Variants in CREBRF observed in about 807,000 individuals in gnomAD.
The protein encoded by CREBRF is CREB3 regulatory factor, also known as UPF0474 protein C5orf41.
CREBRF carries 5 observed loss-of-function variants against 66.1 expected under a neutral mutation model. The observed-to-expected ratio is 0.08, with a 90% CI of 0.04 to 0.16. The LOEUF is 0.16. CREBRF is among the 10% of genes least tolerant of loss of function. The probability of loss-of-function intolerance (pLI) is 1.00; values close to 1 mark genes in which losing one functional copy is unlikely to be tolerated. For synonymous variants in CREBRF, 229 were observed against 264.4 expected (o/e 0.87, Z 1.30); for missense variants, 531 against 744.9 (o/e 0.71, Z 3.34).
chr5:173,125,851 G>A (rs1395176969), intron 8 of CREBRF, among the ~76,000 whole-genome samples: 1 of 152,164 alleles, frequency 6.6e-6, no homozygotes, highest in Non-Finnish European at 1.5e-5. Context: ...GCGACAGAGC[G>A]AGACTCCTTT....
chr5:173,072,277 T>C (rs1373595980), intron 1 of CREBRF, among the ~76,000 whole-genome samples: 2 of 151,818 alleles, frequency 1.3e-5, no homozygotes, highest in African/African-American at 2.4e-5. Context: ...CTAATTTTTT[T>C]ATCCCTTTTT....
In CREBRF at chr5:173,129,631, G is replaced by A. The variant is rs566392490; in HGVS notation, c.1805-3999G>A. Among the ~76,000 whole-genome samples the A allele has an allele frequency of 3.3e-5, 5 of 150,622 alleles. No homozygotes were observed. The South Asian group carries it at 8.4e-4, about 25-fold the overall frequency. The stretch of plus-strand genomic sequence containing the variant: ...TCCCAGCTTCTCAGGAGACTGAGGC[G>A]AGAGGATCGCTTTTGCCCAGGAGAT... On this transcript the variant is annotated intron_variant, in intron 8 of 8. Transcript: ENST00000296953.
At chr5:173,096,882 A>C (rs1758492058) in intron 4 of CREBRF, among the ~76,000 whole-genome samples, 1 of 152,046 alleles carries the variant, frequency 6.6e-6, no homozygotes, top group African/African-American at 2.4e-5. Flanking sequence ...TTTATCCTTC[A>C]GTCTGTTAAT....
chr5:173,083,129 G>A (rs997533220), intron 2 of CREBRF, among the ~76,000 whole-genome samples: 1 of 151,794 alleles, frequency 6.6e-6, no homozygotes, highest in African/African-American at 2.4e-5. Context: ...TTGGGAAGCT[G>A]AGGCAGGAGA....
At chr5:173,117,415 C>T (rs1174933757) in intron 7 of CREBRF, among the ~76,000 whole-genome samples, 5 of 143,072 alleles carry the variant, frequency 3.5e-5, no homozygotes, top group African/African-American at 1.3e-4. Context: ...AATAAATAAA[C>T]GTTCTTTATT....
intron 1 of CREBRF, among the ~76,000 whole-genome samples, chr5:173,059,305 C>A (rs1757193456): frequency 1.5e-5 from 2 of 132,606 alleles, no homozygotes; most frequent in African/African-American, 5.8e-5. Context: ...GCCCTTGTCG[C>A]CCAGGCTGGA....
At chr5:173,128,843 C>T (rs190304387) in intron 8 of CREBRF, among the ~76,000 whole-genome samples, 22 of 151,906 alleles carry the variant, frequency 1.4e-4, no homozygotes, top group Admixed American at 4.6e-4. Flanking sequence ...TGCAGTGGCT[C>T]GATCTCGGCT....
At chr5:173,070,545 C>T (rs1011992714) in intron 1 of CREBRF, among the ~76,000 whole-genome samples, 6 of 151,948 alleles carry the variant, frequency 3.9e-5, no homozygotes, top group Admixed American at 6.6e-5. Context: ...TAACATGCAT[C>T]GGTCCAGTGC....
chr5:173,056,469 T>C lies in CREBRF; in HGVS notation c.-202T>C. 2.5e-6 allele frequency: 1 copy of C among 398,286 alleles called. No homozygotes were observed. Among genetic ancestry groups the C allele is most frequent in the Non-Finnish European group, 4.4e-6 (1 of 225,894 alleles). The allele number at this position is 398,286 out of a possible 1,614,324, so 24.7% of individuals were successfully genotyped here. A position where few individuals can be genotyped will look rare whatever the true frequency, so the allele number is the denominator to read the frequency against. On this transcript the variant is annotated 5_prime_UTR_variant, in exon 1 of 9. Coordinates refer to ENST00000296953, the MANE Select transcript of CREBRF (RefSeq NM_153607.3). Reference sequence around the variant, plus strand: ...CCGGACCCAGTCCCTGAGCCGCCCCTACACCCACAGGTGAGCGCCGCCACC... The same window carrying C: ...CCGGACCCAGTCCCTGAGCCGCCCCCACACCCACAGGTGAGCGCCGCCACC...
At chr5:173,089,050 G>A (rs968860375) in intron 3 of CREBRF, among the ~76,000 whole-genome samples, 3 of 151,686 alleles carry the variant, frequency 2.0e-5, no homozygotes, top group South Asian at 4.2e-4. Flanking sequence ...ATGGTGGCAC[G>A]TGCCTGTAAT....
intron 4 of CREBRF, among the ~76,000 whole-genome samples, chr5:173,106,303 G>A (rs1401403392): frequency 6.6e-6 from 1 of 151,956 alleles, no homozygotes; most frequent in Non-Finnish European, 1.5e-5. Context: ...GGTGGTGGGC[G>A]CCTGTAGTCC....
At chr5:173,096,060 C>A (rs1758469201) in intron 4 of CREBRF, among the ~76,000 whole-genome samples, 2 of 152,132 alleles carry the variant, frequency 1.3e-5, no homozygotes, top group South Asian at 4.1e-4. Context: ...AACTCCGCCT[C>A]CCGGGTTATG....
At chr5:173,097,922 T>C (rs1758517364) in intron 4 of CREBRF, among the ~76,000 whole-genome samples, 1 of 152,090 alleles carries the variant, frequency 6.6e-6, no homozygotes, top group Non-Finnish European at 1.5e-5. Context: ...TAACTTTGGG[T>C]TAGTTCTTCT....
At chr5:173,118,745 T>A (rs903076864) in intron 7 of CREBRF, among the ~76,000 whole-genome samples, 2 of 151,096 alleles carry the variant, frequency 1.3e-5, no homozygotes, top group Admixed American at 6.6e-5. Context: ...TTTTTTTTTT[T>A]AAATAGAGAC....
intron 1 of CREBRF, among the ~76,000 whole-genome samples, chr5:173,058,592 T>G (rs1421154667): frequency 6.6e-6 from 1 of 151,352 alleles, no homozygotes; most frequent in Non-Finnish European, 1.5e-5. Context: ...CACGCCATTC[T>G]CCTGCCTCAG....
intron 1 of CREBRF, among the ~76,000 whole-genome samples, chr5:173,061,800 G>A (rs1170426194): frequency 6.6e-6 from 1 of 152,184 alleles, no homozygotes; most frequent in Non-Finnish European, 1.5e-5. Context: ...ATGTCAAGTC[G>A]TGCTAAGTGC....
chr5:173,100,108 GTGTGTGTGTGTA>G (rs1465848704), intron 4 of CREBRF, among the ~76,000 whole-genome samples: 1 of 132,156 alleles, frequency 7.6e-6, no homozygotes, highest in Non-Finnish European at 1.6e-5. Context: ...GTGTGTGTGT[GTGTGTGTGTGTA>G]TATATATATA....
intron 4 of CREBRF, among the ~76,000 whole-genome samples, chr5:173,095,117 GCT>G (rs1758445017): frequency 6.6e-6 from 1 of 150,938 alleles, no homozygotes; most frequent in Non-Finnish European, 1.5e-5. Context: ...TTATTTCTGG[GCT>G]CTCTGTTTCA....
At chr5:173,063,696 T>A (rs1257079026) in intron 1 of CREBRF, among the ~76,000 whole-genome samples, 2 of 150,322 alleles carry the variant, frequency 1.3e-5, no homozygotes, top group East Asian at 4.0e-4. Context: ...TAATTTTTAA[T>A]TTCTTGATTA....
Sources: allele counts gnomAD v4.1 joint callset (sites outside exome capture counted in the v4.1 genomes callset), GRCh38; gene constraint gnomAD v4.1.1; transcripts MANE v1.5; gene names NCBI Gene and HGNC (gene_info 2026-07-23, HGNC 2026-07-21).